The following CASD1 variants were observed in gnomAD, a reference collection of about 807,000 sequenced individuals.
CASD1 encodes the protein CAS1 domain sialic acid O acetyltransferase 1.
CASD1 carries 41 observed loss-of-function variants against 100.0 expected under a neutral mutation model. That is an observed-to-expected ratio of 0.41 (90% confidence interval 0.32 to 0.53). CASD1 has a LOEUF of 0.53. Ranked by LOEUF, CASD1 falls within the 20% of genes least tolerant of loss-of-function variation. The pLI is 0.25. For synonymous variants in CASD1, 321 were observed against 315.6 expected, an observed-to-expected ratio of 1.02 and a Z score of -0.18; for missense variants, 774 against 948.7, an observed-to-expected ratio of 0.82 and a Z score of 2.42.
the CASD1 span, chr7:94,618,237 TGAG>T: frequency 2.6e-5 from 4 of 154,710 alleles, no homozygotes; most frequent in Non-Finnish European, 4.3e-5. Context: ...GTTGAGGCAC[TGAG>T]GAGTTCAGGG....
intron 5 of CASD1, among the ~76,000 whole-genome samples, chr7:94,528,745 A>G (rs187205297): frequency 1.3e-5 from 2 of 152,250 alleles, no homozygotes; most frequent in East Asian, 1.9e-4. Flanking sequence ...TGTAAAGGTA[A>G]GCATGCTATT....
intron 17 of CASD1, 114 bp from the exon 18 acceptor site, chr7:94,555,378 G>A: frequency 7.7e-6 from 8 of 1,038,396 alleles, no homozygotes; most frequent in Non-Finnish European, 1.1e-5. Flanking sequence ...GAATAAAATG[G>A]TTTTAGGAAA....
At chr7:94,536,409 T>G (rs34755777) in intron 8 of CASD1, among the ~76,000 whole-genome samples, 12,039 of 152,280 alleles carry the variant, frequency 0.079, 717 homozygotes, top group East Asian at 0.23. Flanking sequence ...CAAATTATTT[T>G]AAGTTTTTTT....
chr7:94,537,650 A>T lies in CASD1; in HGVS notation c.1022A>T (p.Asn341Ile). The change falls in exon 9 of 18, where the codon AAT (asparagine) becomes ATT (isoleucine). Residue 341 changes from asparagine (N) to isoleucine (I), a missense_variant. Asn to Ile is a moderately radical substitution (Grantham distance 149). Around this residue, in one of 5 missense-constraint regions of CASD1, gnomAD observed 453 missense variants for 532.6 expected, o/e 0.85. Coordinates refer to ENST00000297273, the MANE Select transcript of CASD1 (RefSeq NM_022900.5). ...ATTCATCGTAATGCTCATCGGAAGA[A>T]TAAGCCGTGTACTGATTTGGAAAGT... ...YIIHRNAHRK[N>I]KPCTDLESGE... The T allele has an allele frequency of 6.2e-7, 1 of 1,613,942 alleles. No homozygotes were observed. Among genetic ancestry groups the T allele is most frequent in the Non-Finnish European group, 8.5e-7 (1 of 1,179,898 alleles).
the CASD1 span, among the ~76,000 whole-genome samples, chr7:94,564,876 T>TG: frequency 6.6e-6 from 1 of 152,172 alleles, no homozygotes; most frequent in Non-Finnish European, 1.5e-5. Context: ...TCTTTGTCAT[T>TG]GCATTGCAGG....
At position 94,534,081 on chromosome 7, in the gene CASD1, T is replaced by C. The variant is rs182030675; in HGVS notation, c.628+279T>C. Reference sequence around the variant, plus strand: ...AGTCCTAAACGCAAATGACATGTGGTATCCCTGATTTTTTTTTCTTACAAA... The same window carrying C: ...AGTCCTAAACGCAAATGACATGTGGCATCCCTGATTTTTTTTTCTTACAAA... On this transcript the variant is annotated intron_variant, in intron 7 of 17. Coordinates refer to ENST00000297273, the MANE Select transcript of CASD1 (RefSeq NM_022900.5). 2.8e-3 allele frequency among the ~76,000 whole-genome samples: 429 copies of C among 151,898 alleles called. 3 individuals carry two copies. The highest frequency in any genetic ancestry group is 0.014 in the Middle Eastern group (4 of 292).
intron 9 of CASD1, among the ~76,000 whole-genome samples, chr7:94,538,148 C>T (rs1255209343): frequency 6.6e-6 from 1 of 152,090 alleles, no homozygotes; most frequent in Non-Finnish European, 1.5e-5. Flanking sequence ...GATTTCATGA[C>T]TTAGTGTTAT....
At chr7:94,609,415 TACTTG>T in the CASD1 span, among the ~76,000 whole-genome samples, 1 of 152,140 alleles carries the variant, frequency 6.6e-6, no homozygotes, top group Non-Finnish European at 1.5e-5. Context: ...TAGTCCCAGC[TACTTG>T]ACTTGGGAGG....
chr7:94,513,444 C>T (rs1358820202), intron 1 of CASD1, among the ~76,000 whole-genome samples: 3 of 151,922 alleles, frequency 2.0e-5, no homozygotes, highest in African/African-American at 7.3e-5. Context: ...TCCTTATTTT[C>T]CCCAAATTCC....
At chr7:94,526,010 GT>G (rs1472272479) in intron 3 of CASD1, among the ~76,000 whole-genome samples, 1 of 152,152 alleles carries the variant, frequency 6.6e-6, no homozygotes, top group African/African-American at 2.4e-5. Context: ...ACAAGAAGTT[GT>G]AGTGTTCACA....
chr7:94,520,979 C>T (rs1468715443), intron 3 of CASD1, among the ~76,000 whole-genome samples: 2 of 152,102 alleles, frequency 1.3e-5, no homozygotes, highest in East Asian at 1.9e-4. Context: ...GTAATCCTAG[C>T]TACTCGGGAG....
chr7:94,559,029 G>A (rs531022222), downstream of CASD1, among the ~76,000 whole-genome samples: 2 of 152,074 alleles, frequency 1.3e-5, no homozygotes, highest in East Asian at 3.9e-4. Context: ...CCAATTCCTG[G>A]CCTCAAGCGA....
downstream of CASD1, among the ~76,000 whole-genome samples, chr7:94,561,601 AT>A (rs901269761): frequency 3.3e-4 from 49 of 149,332 alleles, no homozygotes; most frequent in African/African-American, 1.1e-3. Flanking sequence ...CACAGATTCA[AT>A]TTTTTTTTTT....
At chr7:94,572,967 C>G in the CASD1 span, among the ~76,000 whole-genome samples, 566 of 152,300 alleles carry the variant, frequency 3.7e-3, 5 homozygotes, top group African/African-American at 0.013. Context: ...GTTATCCTAG[C>G]ACCATTTATT....
Position 94,533,721 on chromosome 7 carries a change from C to CAATATAAAATGAACATCACCTCCATAGCA in CASD1, c.548_576dup (p.Pro193AsnfsTer4). The CAATATAAAATGAACATCACCTCCATAGCA allele has an allele frequency of 6.2e-7, 1 of 1,605,914 alleles. No individual in the cohort carries two copies. ...CAATGGTAGCAGTGAAGCGCTTTCT[C>CAATATAAAATGAACATCACCTCCATAGCA]AATATAAAATGAACATCACCTCCAT... is the stretch of plus-strand genomic sequence containing the variant. On this transcript the variant is annotated frameshift_variant, in exon 7 of 18. Coordinates refer to ENST00000297273, the MANE Select transcript of CASD1 (RefSeq NM_022900.5). LOFTEE classifies it high-confidence loss of function.
At position 94,510,191 on chromosome 7, in the gene CASD1, G is replaced by C. The variant is rs1255964539; in HGVS notation, c.107G>C (p.Cys36Ser). ...GTGGCCGTGCTGCTGCTCGCAGCGT[G>C]CCACCTCGCCTCCCGCCGCTACCGA... is the stretch of plus-strand genomic sequence containing the variant. The part of the protein sequence containing the change: ...ALVAVLLLAA[C>S]HLASRRYRGN... Residue 36 changes from cysteine to serine, a missense_variant, in exon 1 of 18, where the codon TGC (cysteine) becomes TCC (serine). Around this residue, in one of 5 missense-constraint regions of CASD1, gnomAD observed 75 missense variants for 60.9 expected, o/e 1.23. Coordinates refer to ENST00000297273, the MANE Select transcript of CASD1 (RefSeq NM_022900.5). 3 of 1,494,986 alleles carry C rather than the reference G, an allele frequency of 2.0e-6. No homozygotes were observed. The Admixed American group carries it at 6.4e-5, about 32-fold the overall frequency. The allele number at this position is 1,494,986 out of a possible 1,614,324, so 92.6% of individuals were successfully genotyped here.
chr7:94,536,626 C>A (rs2116331406), intron 8 of CASD1, among the ~76,000 whole-genome samples: 1 of 152,258 alleles, frequency 6.6e-6, no homozygotes, highest in East Asian at 1.9e-4. Context: ...CTAGTATCTG[C>A]AAGAGTGCCA....
chr7:94,600,586 T>C, the CASD1 span: 3 of 1,268,258 alleles, frequency 2.4e-6, no homozygotes, highest in African/African-American at 1.5e-5. Flanking sequence ...TTTAATGGAA[T>C]CTTCTATGTT....
chr7:94,569,495 C>T, the CASD1 span, among the ~76,000 whole-genome samples: 1 of 152,176 alleles, frequency 6.6e-6, no homozygotes, highest in Non-Finnish European at 1.5e-5. Flanking sequence ...CACTCTGTCA[C>T]CCAGGCTGGA....
Sources: allele counts gnomAD v4.1 joint callset (sites outside exome capture counted in the v4.1 genomes callset), GRCh38; gene constraint gnomAD v4.1.1; regional missense constraint gnomAD v4.1.1; transcripts MANE v1.5; gene names NCBI Gene and HGNC (gene_info 2026-07-23, HGNC 2026-07-21).